SHE: variants seen among roughly 807,000 people sequenced by gnomAD.
SHE encodes the protein Src homology 2 domain containing E, also known as SH2 domain-containing adapter protein E.
SHE carries 11 observed loss-of-function variants against 49.8 expected under a neutral mutation model. The observed-to-expected ratio is 0.22, with a 90% CI of 0.14 to 0.37. The LOEUF is 0.37. Among genes scored for constraint, SHE ranks in the 10% least tolerant of loss-of-function variants. The probability of loss-of-function intolerance (pLI) is 1.00; values close to 1 mark genes in which losing one functional copy is unlikely to be tolerated. For synonymous variants in SHE, 310 were observed against 278.1 expected, an observed-to-expected ratio of 1.11 and a Z score of -1.14; for missense variants, 624 against 655.5, an observed-to-expected ratio of 0.95 and a Z score of 0.52.
downstream of SHE, among the ~76,000 whole-genome samples, chr1:154,478,277 T>G (rs1367528435): frequency 6.6e-6 from 1 of 152,124 alleles, no homozygotes; most frequent in East Asian, 1.9e-4. Flanking sequence ...CTGAGATTGC[T>G]CACAATGTTT....
At chr1:154,479,062 AT>A (rs59945817), downstream of SHE, among the ~76,000 whole-genome samples, 1 of 151,714 alleles carries the variant, frequency 6.6e-6, no homozygotes, top group African/African-American at 2.4e-5. Context: ...ACCTGGTACA[AT>A]TTTTTTTTAA....
rs534189315 is a variant in SHE at position 154,486,956 on chromosome 1, T to C, written c.1025-273A>G. ...TATGAGAGGAAACCACTTTAATGTA[T>C]TTCAACATGGACTTTTAAAAAACTT... On this transcript the variant is annotated intron_variant, in intron 3 of 5. Transcript: ENST00000304760. 3.3e-5 allele frequency among the ~76,000 whole-genome samples: 5 copies of C among 152,286 alleles called. No individual in the cohort carries two copies. The East Asian group carries it at 9.6e-4, about 29-fold the overall frequency.
At chr1:154,493,335 C>T (rs953621097) in intron 2 of SHE, among the ~76,000 whole-genome samples, 5 of 152,210 alleles carry the variant, frequency 3.3e-5, no homozygotes, top group African/African-American at 4.8e-5. Context: ...AAACCTGAGG[C>T]GCCATAGAAA....
chr1:154,483,590 C>T lies in SHE; in HGVS notation c.*559G>A. ...AGGGTCACACCATAAAAAGAACACCCTACCCCAGAGCTGGAGGCAACAGCT... is the reference window on the plus strand; with the variant it reads ...AGGGTCACACCATAAAAAGAACACCTTACCCCAGAGCTGGAGGCAACAGCT... On this transcript the variant is annotated 3_prime_UTR_variant, in exon 6 of 6. Coordinates refer to ENST00000304760, the MANE Select transcript of SHE (RefSeq NM_001010846.3). The T allele has an allele frequency of 1.0e-6, 1 of 985,684 alleles. No individual in the cohort carries two copies. The highest frequency in any genetic ancestry group is 1.7e-5 in the African/African-American group (1 of 57,340). 61.1% of individuals were successfully genotyped at this position (985,684 alleles called of 1,614,324 possible).
At chr1:154,471,178 C>G (rs1324194900) in intron 1 of SHE, among the ~76,000 whole-genome samples, 1 of 152,096 alleles carries the variant, frequency 6.6e-6, no homozygotes, top group Non-Finnish European at 1.5e-5. Context: ...TACCCAATCT[C>G]TAATGTCTTT....
chr1:154,477,890 C>CAAAA (rs35912019), downstream of SHE, among the ~76,000 whole-genome samples: 6 of 104,310 alleles, frequency 5.8e-5, no homozygotes, highest in Non-Finnish European at 7.6e-5. Context: ...GACACTGTCT[C>CAAAA]AAAAAAAAAA....
Position 154,486,728 on chromosome 1 carries a change from C to T in SHE, c.1025-45G>A, listed in dbSNP as rs372923253. ...TAACATCACAGGCCACTGCGGTGAC[C>T]CATGTAAACTTCAAAGGGAAAAAAC... is the stretch of plus-strand genomic sequence containing the variant. On this transcript the variant is annotated intron_variant, in intron 3 of 5. Coordinates refer to ENST00000304760, the MANE Select transcript of SHE (RefSeq NM_001010846.3). 1,519 of 1,597,056 alleles carry T rather than the reference C, an allele frequency of 9.5e-4. 1 individual carries two copies. Among genetic ancestry groups the T allele is most frequent in the Non-Finnish European group, 1.2e-3 (1,359 of 1,172,878 alleles).
intron 3 of SHE, among the ~76,000 whole-genome samples, chr1:154,487,270 CAA>C (rs200850658): frequency 9.2e-5 from 8 of 87,342 alleles, no homozygotes; most frequent in Admixed American, 2.5e-4. Flanking sequence ...GACTCCGTCT[CAA>C]AAAAAAAAAA....
At chr1:154,471,079 T>G (rs1190862867) in intron 1 of SHE, among the ~76,000 whole-genome samples, 3 of 151,368 alleles carry the variant, frequency 2.0e-5, no homozygotes. Flanking sequence ...CTGTAAGGGC[T>G]GGGGCGAGAG....
rs1046535700 is a variant in SHE at position 154,483,813 on chromosome 1, G to A, written c.*336C>T. 2.3e-5 allele frequency: 20 copies of A among 871,552 alleles called. No individual in the cohort carries two copies. The highest frequency in any genetic ancestry group is 1.8e-4 in the South Asian group (4 of 22,572). The allele number at this position is 871,552 out of a possible 1,614,324, so 54.0% of individuals were successfully genotyped here. ...TTGAGACCAGCCTGACGAAGACGGC[G>A]AAACCCCATCTCTACTAAAAATACA... is the stretch of plus-strand genomic sequence containing the variant. On this transcript the variant is annotated 3_prime_UTR_variant, in exon 6 of 6. Transcript: ENST00000304760.
Position 154,502,095 on chromosome 1 carries a change from G to GCCGT in SHE, c.-73_-70dup. 2 of 1,182,360 alleles carry GCCGT rather than the reference G, an allele frequency of 1.7e-6. No individual in the cohort carries two copies. Among genetic ancestry groups the GCCGT allele is most frequent in the Non-Finnish European group, 2.1e-6 (2 of 946,970 alleles). The allele number at this position is 1,182,360 out of a possible 1,614,324, so 73.2% of individuals were successfully genotyped here. On this transcript the variant is annotated 5_prime_UTR_variant, in exon 1 of 6. Transcript: ENST00000304760. ...CGGCTGCTCCGTGCGCCCCCGGCCG[G>GCCGT]CCGTCGCCCACGCCCGGCAGGGTGG...
chr1:154,492,959 G>A (rs766978081), intron 2 of SHE, among the ~76,000 whole-genome samples: 8 of 152,198 alleles, frequency 5.3e-5, no homozygotes, highest in Non-Finnish European at 1.5e-5. Context: ...AATGTACAGG[G>A]TGGATGGGCA....
In SHE at chr1:154,480,735, A is replaced by G. The variant is rs1464867622; in HGVS notation, c.*3414T>C. 1.0e-6 allele frequency: 1 copy of G among 985,404 alleles called. No individual in the cohort carries two copies. The highest frequency in any genetic ancestry group is 4.7e-5 in the South Asian group (1 of 21,290). 61.0% of individuals were successfully genotyped at this position (985,404 alleles called of 1,614,324 possible). A position where few individuals can be genotyped will look rare whatever the true frequency, so the allele number is the denominator to read the frequency against. ...GATATATCAATATTTACCTTTTTGT[A>G]TACATATTAACACTTCTCCATTATT... On this transcript the variant is annotated 3_prime_UTR_variant, in exon 6 of 6. Transcript: ENST00000304760.
intron 5 of SHE, 30 bp downstream of exon 5, chr1:154,485,913 G>A: frequency 1.9e-6 from 3 of 1,603,382 alleles, no homozygotes; most frequent in Non-Finnish European, 2.6e-6. Flanking sequence ...CTTCCCCTTG[G>A]AGATGAGGAA....
In SHE at chr1:154,482,551, C is replaced by T; in HGVS notation, c.*1598G>A. ...TTATAAGCTACAAAGGTTAACTTTT[C>T]ATTGATGACAGTCAGTACATTTGCA... On this transcript the variant is annotated 3_prime_UTR_variant, in exon 6 of 6. Transcript: ENST00000304760. 2.0e-6 allele frequency: 2 copies of T among 985,430 alleles called. No homozygotes were observed. The highest frequency in any genetic ancestry group is 2.4e-6 in the Non-Finnish European group (2 of 829,928). The allele number at this position is 985,430 out of a possible 1,614,324, so 61.0% of individuals were successfully genotyped here.
chr1:154,473,595 G>C (rs1218804202), intron 1 of SHE, among the ~76,000 whole-genome samples: 1 of 152,074 alleles, frequency 6.6e-6, no homozygotes, highest in African/African-American at 2.4e-5. Context: ...TTGAGCCCAG[G>C]AGTTCGAGAC....
downstream of SHE, among the ~76,000 whole-genome samples, chr1:154,476,603 G>A (rs1333230879): frequency 6.6e-6 from 1 of 151,538 alleles, no homozygotes; most frequent in African/African-American, 2.4e-5. Flanking sequence ...CTGCACTCCA[G>A]CCTAGGCGAC....
rs775566715 is a variant in SHE, at chr1:154,486,679, C to T, written c.1029G>A (p.Gln343=). Reference sequence around the variant, plus strand: ...AGGAAGGTCGCTCAGCTCCTTCAAACTGGACTGGAAGGAAGACTCCATTTA... The same window carrying T: ...AGGAAGGTCGCTCAGCTCCTTCAAATTGGACTGGAAGGAAGACTCCATTTA... ...KEQIVRALSV[Q]FEGAERPSFR... The change falls in exon 4 of 6, where the codon CAG becomes CAA. Residue 343 remains glutamine, a synonymous_variant. Transcript: ENST00000304760. The T allele has an allele frequency of 6.2e-7, 1 of 1,613,950 alleles. No homozygotes were observed. Among genetic ancestry groups the T allele is most frequent in the Non-Finnish European group, 8.5e-7 (1 of 1,180,046 alleles).
intron 1 of SHE, among the ~76,000 whole-genome samples, chr1:154,500,606 C>G (rs995624059): frequency 6.6e-6 from 1 of 152,208 alleles, no homozygotes; most frequent in Admixed American, 6.5e-5. Context: ...CTCTCTCCCC[C>G]TTTCACATCG....
Sources: allele counts gnomAD v4.1 joint callset (sites outside exome capture counted in the v4.1 genomes callset), GRCh38; gene constraint gnomAD v4.1.1; transcripts MANE v1.5; gene names NCBI Gene and HGNC (gene_info 2026-07-23, HGNC 2026-07-21).